The following HBP1 variants were observed in gnomAD, a reference collection of about 807,000 sequenced individuals.
HBP1 encodes HMG box-containing protein 1.
Under a neutral mutation model 62.6 loss-of-function variants are expected in HBP1, and 20 were observed. The ratio of observed to expected loss-of-function variants is 0.32; its 90% CI spans 0.22 to 0.46. The LOEUF is 0.46. Among genes scored for constraint, HBP1 ranks in the 20% least tolerant of loss-of-function variants. The pLI is 1.00. For missense variants in HBP1, 480 were observed against 611.8 expected (o/e 0.78, Z 2.27); for synonymous variants, 232 against 206.2 (o/e 1.12, Z -1.07).
intron 6 of HBP1, among the ~76,000 whole-genome samples, chr7:107,188,262 C>T (rs933918738): frequency 6.6e-6 from 1 of 152,192 alleles, no homozygotes; most frequent in African/African-American, 2.4e-5. Context: ...CTTAGTGTGA[C>T]CAAAACTGCC....
intron 1 of HBP1, among the ~76,000 whole-genome samples, chr7:107,173,049 G>C (rs1796676564): frequency 6.6e-6 from 1 of 152,186 alleles, no homozygotes; most frequent in Non-Finnish European, 1.5e-5. Context: ...TGGCAAACTA[G>C]AGTTGTAGAC....
chr7:107,196,237 T>G (rs1797892555), intron 9 of HBP1, 86 bp downstream of exon 9: 1 of 840,268 alleles, frequency 1.2e-6, no homozygotes, highest in Admixed American at 1.9e-5. Context: ...GTAAACTTAT[T>G]CTTTAATAGC....
intron 3 of HBP1, among the ~76,000 whole-genome samples, chr7:107,183,385 G>C (rs566955022): frequency 6.6e-6 from 1 of 152,110 alleles, no homozygotes; most frequent in East Asian, 1.9e-4. Context: ...AAACTTATTA[G>C]GTATGAAATC....
intron 6 of HBP1, among the ~76,000 whole-genome samples, chr7:107,188,775 T>C (rs1584493548): frequency 6.6e-6 from 1 of 152,206 alleles, no homozygotes; most frequent in Non-Finnish European, 1.5e-5. Context: ...TTGACAGTCA[T>C]GCTGATAAAA....
intron 8 of HBP1, among the ~76,000 whole-genome samples, chr7:107,191,618 C>T (rs1293272717): frequency 3.3e-5 from 5 of 151,998 alleles, no homozygotes. Flanking sequence ...GAGAGTGAAT[C>T]CATGAAGTGT....
At chr7:107,201,220 C>G in intron 10 of HBP1, 194 bp from the exon 11 acceptor site, 1 of 434,552 alleles carries the variant, frequency 2.3e-6, no homozygotes, top group Non-Finnish European at 4.2e-6. Flanking sequence ...TCATCCTAGT[C>G]AATGTCTTAT....
intron 1 of HBP1, chr7:107,169,955 C>G: frequency 1.0e-6 from 1 of 985,526 alleles, no homozygotes; most frequent in Non-Finnish European, 1.2e-6. Flanking sequence ...GCTGCCACCG[C>G]AGGCCGATTG....
chr7:107,185,944 T>G lies in HBP1; in HGVS notation c.540+2T>G, dbSNP rs1397133142. On this transcript the variant is annotated splice_donor_variant, in intron 4 of 10. Coordinates refer to ENST00000222574, the MANE Select transcript of HBP1 (RefSeq NM_012257.4). LOFTEE classifies it high-confidence loss of function. ...GAAACACCAGTAAGACACGAAAGGG[T>G]AAGTTTATTTATGAGGTTAAACTTT... 3 of 1,608,420 alleles carry G rather than the reference T, an allele frequency of 1.9e-6. No homozygotes were observed. The highest frequency in any genetic ancestry group is 2.6e-6 in the Non-Finnish European group (3 of 1,174,916).
intron 9 of HBP1, 189 bp downstream of exon 9, chr7:107,196,340 C>A: frequency 1.6e-6 from 1 of 617,650 alleles, no homozygotes; most frequent in Non-Finnish European, 3.0e-6. Flanking sequence ...ACGATCTCAG[C>A]TCACTGCAAC....
chr7:107,195,764 T>TA, intron 8 of HBP1, 70 bp from the exon 9 acceptor site: 1 of 711,734 alleles, frequency 1.4e-6, no homozygotes, highest in Non-Finnish European at 2.0e-6. Context: ...TTTTTTTTTT[T>TA]AACCTGCTTT....
chr7:107,171,438 A>G (rs904832934), intron 1 of HBP1, among the ~76,000 whole-genome samples: 1 of 152,086 alleles, frequency 6.6e-6, no homozygotes, highest in Non-Finnish European at 1.5e-5. Flanking sequence ...GGCATATGGC[A>G]CGATGGCATG....
chr7:107,191,930 C>CA (rs906408391), intron 8 of HBP1, among the ~76,000 whole-genome samples: 43 of 151,924 alleles, frequency 2.8e-4, no homozygotes, highest in Admixed American at 2.5e-3. Flanking sequence ...CTTATTATGG[C>CA]AAAAAAATAC....
chr7:107,190,117 A>G (rs1419355009), intron 7 of HBP1, 56 bp from the exon 8 acceptor site: 1 of 1,376,922 alleles, frequency 7.3e-7, no homozygotes, highest in African/African-American at 1.5e-5. Flanking sequence ...TGTCTGTTCT[A>G]AAGTAGGGTG....
chr7:107,174,806 T>C (rs887410068), intron 1 of HBP1: 1 of 517,986 alleles, frequency 1.9e-6, no homozygotes, highest in African/African-American at 2.1e-5. Context: ...CATCTGTATG[T>C]GAAGCATAGT....
chr7:107,174,692 A>G (rs1652182951), intron 1 of HBP1: 3 of 984,338 alleles, frequency 3.0e-6, no homozygotes, highest in African/African-American at 1.7e-5. Context: ...TACACAGAGG[A>G]TAGCTCTGAA....
At chr7:107,175,866 G>A (rs1017246709) in intron 1 of HBP1, among the ~76,000 whole-genome samples, 1 of 151,750 alleles carries the variant, frequency 6.6e-6, no homozygotes, top group South Asian at 2.1e-4. Context: ...ACAGGCGCCC[G>A]CCACCATGCC....
chr7:107,170,472 T>A (rs1212731399), intron 1 of HBP1, among the ~76,000 whole-genome samples: 1 of 151,946 alleles, frequency 6.6e-6, no homozygotes, highest in Non-Finnish European at 1.5e-5. Context: ...TGTGGTAGAG[T>A]CGGTCATCTG....
Position 107,189,411 on chromosome 7 carries a change from G to T in HBP1, c.885G>T (p.Glu295Asp). 1.2e-6 allele frequency: 2 copies of T among 1,612,758 alleles called. No homozygotes were observed. Among genetic ancestry groups the T allele is most frequent in the Non-Finnish European group, 1.7e-6 (2 of 1,179,046 alleles). ...TAGAAGATGGTTTACTTACCGTAGA[G>T]TGTAAGCTGGACCACCCTTTCTATG... is the stretch of plus-strand genomic sequence containing the variant. ...GTVEDGLLTV[E>D]CKLDHPFYVK... The change falls in exon 7 of 11, where the codon GAG becomes GAT. Residue 295 changes from glutamate to aspartate, a missense_variant. Physicochemically the swap from Glu to Asp is conservative, Grantham distance 45. Transcript: ENST00000222574.
rs551777657 is a variant in HBP1, at chr7:107,171,953, A to G, written c.-16+2768A>G. Among the ~76,000 whole-genome samples the G allele has an allele frequency of 7.2e-5, 11 of 152,184 alleles. No individual in the cohort carries two copies. In the South Asian group the frequency reaches 2.3e-3, roughly 32 times the overall value. ...ACTTAGAATGGAAAAATAAATCACAATGAATTAAAAAAAAATTAAAGCTGC... is the reference window on the plus strand; with the variant it reads ...ACTTAGAATGGAAAAATAAATCACAGTGAATTAAAAAAAAATTAAAGCTGC... On this transcript the variant is annotated intron_variant, in intron 1 of 10. Coordinates refer to ENST00000222574, the MANE Select transcript of HBP1 (RefSeq NM_012257.4).
Sources: allele counts gnomAD v4.1 joint callset (sites outside exome capture counted in the v4.1 genomes callset), GRCh38; gene constraint gnomAD v4.1.1; transcripts MANE v1.5; gene names NCBI Gene and HGNC (gene_info 2026-07-23, HGNC 2026-07-21).